Variants in MGA observed in about 807,000 individuals in gnomAD.
MGA encodes MAX gene-associated protein.
Under a neutral mutation model 261.1 loss-of-function variants are expected in MGA, and 40 were observed. That is an observed-to-expected ratio of 0.15 (90% CI 0.12 to 0.20). The LOEUF is 0.20. Ranked by LOEUF, MGA falls within the 10% of genes least tolerant of loss-of-function variation. MGA has a pLI of 1.00. For missense variants in MGA, 3,397 were observed against 3,630.5 expected, an observed-to-expected ratio of 0.94 and a Z score of 1.65; for synonymous variants, 1,302 against 1,290.6, an observed-to-expected ratio of 1.01 and a Z score of -0.19.
At chr15:41,635,523 C>T (rs1008555200) in intron 1 of MGA, among the ~76,000 whole-genome samples, 3 of 151,710 alleles carry the variant, frequency 2.0e-5, no homozygotes, top group African/African-American at 2.4e-5. Flanking sequence ...AGACCCCCCC[C>T]CTCCTATAAA....
chr15:41,644,346 CAAAAAAAAAAAAAA>C (rs34743222), intron 1 of MGA, among the ~76,000 whole-genome samples: 6 of 65,696 alleles, frequency 9.1e-5, no homozygotes, highest in Admixed American at 3.9e-4. Flanking sequence ...CCATCTGTAC[CAAAAAAAAAAAAAA>C]AAAAAAAAAA....
intron 9 of MGA, among the ~76,000 whole-genome samples, chr15:41,726,231 G>A (rs1044198644): frequency 6.6e-6 from 1 of 152,018 alleles, no homozygotes; most frequent in Non-Finnish European, 1.5e-5. Flanking sequence ...GCCTCTTACT[G>A]GTTGGACATC....
At chr15:41,652,292 TCCTCCCCTCCCCTCTGC>T (rs1314275124) in intron 1 of MGA, among the ~76,000 whole-genome samples, 5 of 146,086 alleles carry the variant, frequency 3.4e-5, no homozygotes, top group South Asian at 2.2e-4. Flanking sequence ...CCCTCTTATT[TCCTCCCCTCCCCTCTGC>T]CCTCCCCTCC....
At chr15:41,689,322 C>G (rs2059137151) in intron 2 of MGA, among the ~76,000 whole-genome samples, 1 of 150,680 alleles carries the variant, frequency 6.6e-6, no homozygotes, top group Admixed American at 6.6e-5. Flanking sequence ...CCTTTCTCTC[C>G]CTACCTCTCT....
At chr15:41,622,577 T>C (rs906749165) in intron 1 of MGA, among the ~76,000 whole-genome samples, 1 of 152,172 alleles carries the variant, frequency 6.6e-6, no homozygotes, top group African/African-American at 2.4e-5. Context: ...ATCTAATCCC[T>C]ATGTATTTTC....
chr15:41,676,165 TAGAG>T (rs1443121391), intron 2 of MGA, among the ~76,000 whole-genome samples: 1 of 152,214 alleles, frequency 6.6e-6, no homozygotes, highest in Non-Finnish European at 1.5e-5. Context: ...GACATTATTA[TAGAG>T]AGAGTCACTC....
At chr15:41,664,561 C>A (rs2057617383) in intron 1 of MGA, among the ~76,000 whole-genome samples, 1 of 152,084 alleles carries the variant, frequency 6.6e-6, no homozygotes, top group Admixed American at 6.6e-5. Context: ...TCATATACTT[C>A]TTTGCTGCCT....
chr15:41,711,038 C>A lies in MGA; in HGVS notation c.2773C>A (p.Pro925Thr). 1 of 1,614,004 alleles carries A rather than the reference C, an allele frequency of 6.2e-7. No homozygotes were observed. The highest frequency in any genetic ancestry group is 8.5e-7 in the Non-Finnish European group (1 of 1,179,896). Residue 925 changes from proline to threonine, a missense_variant, in exon 8 of 24, where the codon CCA becomes ACA. Physicochemically the swap from Pro to Thr is conservative, Grantham distance 38 (BLOSUM62 -1). This residue lies in a region of MGA where 519 missense variants were observed against 554.1 expected (regional missense o/e 0.94). Transcript: ENST00000219905. ...ATCCATTTTACCATACCCTGTTTCA[C>A]CAAAGCAGAAATACTCTCATGTGAT...
rs146778034 is a variant in MGA at position 41,739,604 on chromosome 15, C to G, written c.4435-449C>G. On this transcript the variant is annotated intron_variant, in intron 13 of 23. Coordinates refer to ENST00000219905, the MANE Select transcript of MGA (RefSeq NM_001164273.2). ...TTACAAGGAAAACAATTGGATAATT[C>G]TAGTTGTTTAGATTTGATGATAACT... Among the ~76,000 whole-genome samples, 5 of 152,114 alleles carry G rather than the reference C, an allele frequency of 3.3e-5. No individual in the cohort carries two copies. The East Asian group carries it at 9.6e-4, about 29-fold the overall frequency.
rs2060964089 is a variant in MGA, at chr15:41,721,971, CA to C, written c.3431-5208del. Among the ~76,000 whole-genome samples the C allele has an allele frequency of 3.3e-5, 5 of 152,152 alleles. No individual in the cohort carries two copies. In the South Asian group the frequency reaches 1.0e-3, roughly 32 times the overall value. Reference sequence around the variant, plus strand: ...AAGAATAAACAGTAGTATGAATATTCAGTGAAATAACATACCACAGTGAAAA... The same window carrying C: ...AAGAATAAACAGTAGTATGAATATTCGTGAAATAACATACCACAGTGAAAA... On this transcript the variant is annotated intron_variant, in intron 9 of 23. Coordinates refer to ENST00000219905, the MANE Select transcript of MGA (RefSeq NM_001164273.2).
At chr15:41,697,875 T>A (rs994378711) in intron 3 of MGA, among the ~76,000 whole-genome samples, 5 of 152,164 alleles carry the variant, frequency 3.3e-5, no homozygotes, top group African/African-American at 1.2e-4. Context: ...AGTCTTTTTT[T>A]ATTTATTTTT....
chr15:41,684,553 C>T lies in MGA; in HGVS notation c.1065-11522C>T, dbSNP rs540585026. ...CCTTTCTGAGAGTGTTTATAACTTA[C>T]CAAGTTCAATTTCTCAGGAAGATGT... On this transcript the variant is annotated intron_variant, in intron 2 of 23. Transcript: ENST00000219905. The T allele has an allele frequency of 1.9e-4, 57 of 307,460 alleles. 2 individuals are homozygous for T. Among genetic ancestry groups the T allele is most frequent in the South Asian group, 9.6e-4 (34 of 35,582 alleles). 19.0% of individuals were successfully genotyped at this position (307,460 alleles called of 1,614,324 possible).
chr15:41,659,913 T>C (rs1239562472), upstream of MGA, among the ~76,000 whole-genome samples: 1 of 152,238 alleles, frequency 6.6e-6, no homozygotes, highest in Non-Finnish European at 1.5e-5. Flanking sequence ...GGTCTTTGGC[T>C]TCAAGGTTTC....
At chr15:41,668,805 G>GTT in intron 1 of MGA, 23 bp from the exon 2 acceptor site, 5 of 1,014,064 alleles carry the variant, frequency 4.9e-6, no homozygotes, top group African/African-American at 1.6e-5. Context: ...TTTGTTTTTG[G>GTT]TTTTTTTTTG....
Position 41,764,875 on chromosome 15 carries a change from C to T in MGA, c.7745-11C>T. ...CTTTTATCTATAACTAATTTCTGAT[C>T]TTTCTTACAGAAAATACCTCACCCT... On this transcript the variant is annotated splice_polypyrimidine_tract_variant and intron_variant, in intron 22 of 23. Transcript: ENST00000219905. 1.2e-6 allele frequency: 2 copies of T among 1,613,150 alleles called. No individual in the cohort carries two copies. Among genetic ancestry groups the T allele is most frequent in the Non-Finnish European group, 1.7e-6 (2 of 1,179,214 alleles).
Position 41,766,128 on chromosome 15 carries a change from C to T in MGA, c.8046C>T (p.Asp2682=), listed in dbSNP as rs1353148284. The T allele has an allele frequency of 6.2e-7, 1 of 1,613,962 alleles. No homozygotes were observed. Residue 2682 remains aspartate (D), a synonymous_variant, in exon 24 of 24, where the codon GAC becomes GAT. Coordinates refer to ENST00000219905, the MANE Select transcript of MGA (RefSeq NM_001164273.2). ...AAGTTCCTGATAGCAAGCCATCTGA[C>T]CATCTGAAAGACACCGTCAGGAATG...
At chr15:41,627,521 A>T (rs557977130) in intron 1 of MGA, among the ~76,000 whole-genome samples, 3 of 152,316 alleles carry the variant, frequency 2.0e-5, no homozygotes, top group South Asian at 4.1e-4. Flanking sequence ...GTCACTATTG[A>T]TGTGACCTTG....
At chr15:41,661,532 G>T (rs1177677292) in intron 1 of MGA, among the ~76,000 whole-genome samples, 1 of 152,144 alleles carries the variant, frequency 6.6e-6, no homozygotes, top group Non-Finnish European at 1.5e-5. Flanking sequence ...GCAGGAACGG[G>T]TAAATGAGGT....
chr15:41,728,292 C>T (rs992434869), intron 10 of MGA, among the ~76,000 whole-genome samples: 2 of 152,166 alleles, frequency 1.3e-5, no homozygotes, highest in Admixed American at 6.5e-5. Context: ...GATTGCTCCA[C>T]TGCATTCCAG....
Sources: allele counts gnomAD v4.1 joint callset (sites outside exome capture counted in the v4.1 genomes callset), GRCh38; gene constraint gnomAD v4.1.1; regional missense constraint gnomAD v4.1.1; transcripts MANE v1.5; gene names NCBI Gene and HGNC (gene_info 2026-07-23, HGNC 2026-07-21).